CCDC50: variants seen among roughly 807,000 people sequenced by gnomAD.
CCDC50 encodes the protein coiled-coil domain containing 50.
A neutral mutation model predicts 70.2 loss-of-function variants in CCDC50; 54 were observed. That is an observed-to-expected ratio of 0.77 (90% CI 0.62 to 0.96). The LOEUF is 0.96. Among genes scored for constraint, CCDC50 ranks in the 50% least tolerant of loss-of-function variants. The probability of loss-of-function intolerance (pLI) is 0.00; values close to 1 mark genes in which losing one functional copy is unlikely to be tolerated. For missense variants in CCDC50, 558 were observed against 578.7 expected (o/e 0.96, Z 0.37); for synonymous variants, 216 against 198.8 (o/e 1.09, Z -0.73).
chr3:191,336,511 C>T (rs1250333508), intron 1 of CCDC50, among the ~76,000 whole-genome samples: 1 of 151,882 alleles, frequency 6.6e-6, no homozygotes, highest in Non-Finnish European at 1.5e-5. Flanking sequence ...ATTTTAAAAT[C>T]GACTATTTTC....
chr3:191,356,085 C>T (rs1712270027), intron 1 of CCDC50, among the ~76,000 whole-genome samples: 1 of 152,138 alleles, frequency 6.6e-6, no homozygotes, highest in African/African-American at 2.4e-5. Flanking sequence ...TTTCATGAGT[C>T]CTACTCAATT....
At chr3:191,363,355 CAT>C (rs1181168421) in intron 4 of CCDC50, among the ~76,000 whole-genome samples, 22 of 152,284 alleles carry the variant, frequency 1.4e-4, no homozygotes, top group Admixed American at 7.2e-4. Flanking sequence ...ATACATGAAA[CAT>C]GTGGACTTTG....
At chr3:191,376,935 G>A (rs964413350) in intron 6 of CCDC50, among the ~76,000 whole-genome samples, 7 of 152,236 alleles carry the variant, frequency 4.6e-5, no homozygotes, top group Non-Finnish European at 8.8e-5. Context: ...TGACTTTCAC[G>A]AGTGCTCTGA....
In CCDC50 at chr3:191,358,183, A is replaced by C. The variant is rs113585662; in HGVS notation, c.239+59A>C. ...GACTGGTTTTCTCTGTGGAGCTAGC[A>C]ACCAGGGCAGGGGAGAAGGAGACTA... is the stretch of plus-strand genomic sequence containing the variant. On this transcript the variant is annotated intron_variant, in intron 3 of 11. Transcript: ENST00000392455. 6.2e-6 allele frequency: 10 copies of C among 1,606,982 alleles called. No homozygotes were observed. In the African/African-American group the frequency reaches 6.7e-5, roughly 11 times the overall value.
At chr3:191,338,646 T>C (rs1051986577) in intron 1 of CCDC50, among the ~76,000 whole-genome samples, 13 of 152,266 alleles carry the variant, frequency 8.5e-5, no homozygotes, top group African/African-American at 2.9e-4. Context: ...TGGTCTTTGG[T>C]GGATCCACAA....
In CCDC50 at chr3:191,351,946, T is replaced by C. The variant is rs969653604; in HGVS notation, c.50-5142T>C. ...CCCCTTTGCCAAGAATGTTTACCGCTTCTGTGCATAGGAATTTTAACTTAC... is the reference window on the plus strand; with the variant it reads ...CCCCTTTGCCAAGAATGTTTACCGCCTCTGTGCATAGGAATTTTAACTTAC... On this transcript the variant is annotated intron_variant, in intron 1 of 11. Transcript: ENST00000392455. Among the ~76,000 whole-genome samples, 2 of 118,898 alleles carry C rather than the reference T, an allele frequency of 1.7e-5. 1 individual carries two copies. Among genetic ancestry groups the C allele is most frequent in the African/African-American group, 6.7e-5 (2 of 29,788 alleles). The allele number at this position is 118,898 out of a possible 152,430, so 78.0% of individuals were successfully genotyped here.
chr3:191,382,932 AT>A (rs1713370474), intron 10 of CCDC50, 107 bp downstream of exon 10: 1 of 807,114 alleles, frequency 1.2e-6, no homozygotes, highest in Non-Finnish European at 2.1e-6. Flanking sequence ...AGATCCAAAA[AT>A]CTGCATTTGT....
rs145715693 is a variant in CCDC50, at chr3:191,380,702, A to T, written c.1108A>T (p.Met370Leu). The change falls in exon 8 of 12, where the codon ATG becomes TTG. Residue 370 changes from methionine to leucine, a missense_variant. Met to Leu is a conservative substitution (Grantham distance 15, BLOSUM62 2). Transcript: ENST00000392455. ...EEELLATQVD[M>L]RAAQVAQDEE... is the part of the protein sequence containing the mutation. The stretch of plus-strand genomic sequence containing the variant: ...GATATCATAGGCTACCCAGGTGGAC[A>T]TGAGAGCCGCTCAAGTAGCTCAAGA... 8.7e-6 allele frequency: 14 copies of T among 1,612,572 alleles called. No homozygotes were observed. The highest frequency in any genetic ancestry group is 6.7e-5 in the Admixed American group (4 of 59,806).
In CCDC50 at chr3:191,340,886, C is replaced by T. The variant is rs796476344; in HGVS notation, c.49+11163C>T. On this transcript the variant is annotated intron_variant, in intron 1 of 11. Transcript: ENST00000392455. ...GGTTTCACTCTGTTGTCCAGGCTGG[C>T]GTGCAGTGGTGCAGTCATAGCTCAC... 5.3e-5 allele frequency among the ~76,000 whole-genome samples: 8 copies of T among 152,124 alleles called. No homozygotes were observed. The South Asian group carries it at 1.7e-3, about 32-fold the overall frequency.
At chr3:191,333,996 T>C (rs141034645) in intron 1 of CCDC50, among the ~76,000 whole-genome samples, 1,818 of 152,304 alleles carry the variant, frequency 0.012, 21 homozygotes, top group Non-Finnish European at 0.018. Context: ...TCATTAAGAA[T>C]AGAATTTTAG....
chr3:191,388,845 C>T (rs546899351), intron 10 of CCDC50, among the ~76,000 whole-genome samples: 1 of 151,818 alleles, frequency 6.6e-6, no homozygotes, highest in African/African-American at 2.4e-5. Context: ...GAGAGGTTTT[C>T]TGCTTCAGTG....
At chr3:191,369,430 G>A (rs1712819269) in intron 4 of CCDC50, among the ~76,000 whole-genome samples, 1 of 152,142 alleles carries the variant, frequency 6.6e-6, no homozygotes, top group East Asian at 1.9e-4. Context: ...GCCTGGGGAT[G>A]AACAGGTGGG....
chr3:191,373,394 T>C (rs979738912), intron 5 of CCDC50, among the ~76,000 whole-genome samples: 1 of 152,206 alleles, frequency 6.6e-6, no homozygotes, highest in Non-Finnish European at 1.5e-5. Context: ...AAACTATGAA[T>C]ATCTATTAAC....
chr3:191,371,898 T>C (rs1363754393), intron 5 of CCDC50, among the ~76,000 whole-genome samples: 2 of 152,230 alleles, frequency 1.3e-5, no homozygotes, highest in African/African-American at 4.8e-5. Context: ...TCAATTTAAA[T>C]CTTAGAAATG....
At chr3:191,365,545 T>A (rs1712655466) in intron 4 of CCDC50, among the ~76,000 whole-genome samples, 1 of 152,186 alleles carries the variant, frequency 6.6e-6, no homozygotes, top group South Asian at 2.1e-4. Context: ...TCCATAGAAT[T>A]GGTATTTTCC....
chr3:191,391,813 T>C lies in CCDC50; in HGVS notation c.*53T>C. On this transcript the variant is annotated 3_prime_UTR_variant, in exon 12 of 12. Coordinates refer to ENST00000392455, the MANE Select transcript of CCDC50 (RefSeq NM_178335.3). ...ACTCACTATAGCAAATATTACTGGGTGATACAGAATGAATTCTACACTTAC... is the reference window on the plus strand; with the variant it reads ...ACTCACTATAGCAAATATTACTGGGCGATACAGAATGAATTCTACACTTAC... 6.7e-7 allele frequency: 1 copy of C among 1,488,826 alleles called. No homozygotes were observed. The highest frequency in any genetic ancestry group is 1.1e-5 in the South Asian group (1 of 87,384). 92.2% of individuals were successfully genotyped at this position (1,488,826 alleles called of 1,614,324 possible). A position where few individuals can be genotyped will look rare whatever the true frequency, so the allele number is the denominator to read the frequency against.
chr3:191,359,112 TTG>T (rs1466893907), intron 3 of CCDC50, among the ~76,000 whole-genome samples: 1 of 152,190 alleles, frequency 6.6e-6, no homozygotes, highest in Non-Finnish European at 1.5e-5. Flanking sequence ...ACCTTGAGCA[TTG>T]TGTATCTAGA....
intron 1 of CCDC50, among the ~76,000 whole-genome samples, chr3:191,356,868 G>C (rs1712302333): frequency 6.6e-6 from 1 of 152,186 alleles, no homozygotes; most frequent in African/African-American, 2.4e-5. Context: ...CCAGTATTTT[G>C]TGACACCCTG....
chr3:191,367,893 A>G (rs1006687755), intron 4 of CCDC50, among the ~76,000 whole-genome samples: 1 of 152,086 alleles, frequency 6.6e-6, no homozygotes, highest in African/African-American at 2.4e-5. Context: ...TCTGTAACAA[A>G]TAATAGTTTT....
Sources: allele counts gnomAD v4.1 joint callset (sites outside exome capture counted in the v4.1 genomes callset), GRCh38; gene constraint gnomAD v4.1.1; transcripts MANE v1.5; gene names NCBI Gene and HGNC (gene_info 2026-07-23, HGNC 2026-07-21).